The following DNER variants were observed in gnomAD, a reference collection of about 807,000 sequenced individuals.
The protein encoded by DNER is delta and Notch-like epidermal growth factor-related receptor.
A neutral mutation model predicts 78.2 loss-of-function variants in DNER; 33 were observed. The ratio of observed to expected loss-of-function variants is 0.42; its 90% CI spans 0.32 to 0.56. DNER has a LOEUF of 0.56. Among genes scored for constraint, DNER ranks in the 20% least tolerant of loss-of-function variants. The pLI is 0.11. For synonymous variants in DNER, 417 were observed against 384.8 expected, an observed-to-expected ratio of 1.08 and a Z score of -0.98; for missense variants, 918 against 975.3, an observed-to-expected ratio of 0.94 and a Z score of 0.78.
At chr2:229,563,032 C>A (rs1696992041) in intron 4 of DNER, among the ~76,000 whole-genome samples, 1 of 151,276 alleles carries the variant, frequency 6.6e-6, no homozygotes. Flanking sequence ...TCATCATCCT[C>A]CTCACCCCAT....
At chr2:229,627,052 G>A (rs1442754997) in intron 1 of DNER, among the ~76,000 whole-genome samples, 1 of 152,178 alleles carries the variant, frequency 6.6e-6, no homozygotes, top group Admixed American at 6.5e-5. Context: ...TCACTGAAGT[G>A]CATGGTCCCA....
chr2:229,614,752 C>T (rs1227142639), intron 1 of DNER, among the ~76,000 whole-genome samples: 1 of 152,212 alleles, frequency 6.6e-6, no homozygotes, highest in Non-Finnish European at 1.5e-5. Context: ...GCATCTTCCT[C>T]ATATAAAATC....
chr2:229,496,670 A>G (rs1413072330), intron 6 of DNER, among the ~76,000 whole-genome samples: 1 of 152,238 alleles, frequency 6.6e-6, no homozygotes, highest in African/African-American at 2.4e-5. Flanking sequence ...AAATAAAATA[A>G]AATAGAATTT....
At chr2:229,537,657 T>C (rs992506210) in intron 5 of DNER, among the ~76,000 whole-genome samples, 9 of 152,340 alleles carry the variant, frequency 5.9e-5, no homozygotes, top group African/African-American at 2.2e-4. Context: ...AATGCTTCTA[T>C]AACTGTCCGC....
At chr2:229,508,050 G>A (rs1331703453) in intron 6 of DNER, among the ~76,000 whole-genome samples, 1 of 152,062 alleles carries the variant, frequency 6.6e-6, no homozygotes, top group Non-Finnish European at 1.5e-5. Context: ...CACAGATAAT[G>A]GCACATAAAC....
intron 6 of DNER, among the ~76,000 whole-genome samples, chr2:229,486,632 T>C (rs1194790360): frequency 6.6e-6 from 1 of 152,224 alleles, no homozygotes; most frequent in Non-Finnish European, 1.5e-5. Context: ...ACCATTTCTA[T>C]GGAGTGTACC....
intron 12 of DNER, among the ~76,000 whole-genome samples, chr2:229,359,501 T>C (rs1041848799): frequency 9.9e-5 from 15 of 152,182 alleles, no homozygotes; most frequent in African/African-American, 3.6e-4. Flanking sequence ...TCAAACGATC[T>C]TCCACACTAA....
intron 12 of DNER, among the ~76,000 whole-genome samples, chr2:229,365,445 T>G (rs890804600): frequency 2.0e-5 from 3 of 152,184 alleles, no homozygotes; most frequent in African/African-American, 7.2e-5. Context: ...GGGATTTTTG[T>G]TTTTGTTTTG....
At chr2:229,396,069 T>C (rs1388294961) in intron 10 of DNER, among the ~76,000 whole-genome samples, 2 of 152,126 alleles carry the variant, frequency 1.3e-5, no homozygotes, top group African/African-American at 2.4e-5. Context: ...TGTCTTTGGA[T>C]TGACAGTCTA....
intron 5 of DNER, among the ~76,000 whole-genome samples, chr2:229,518,474 T>C (rs1430939814): frequency 1.3e-5 from 2 of 152,242 alleles, no homozygotes; most frequent in African/African-American, 4.8e-5. Context: ...TAAAGAAGTG[T>C]AAATTGATAC....
intron 6 of DNER, among the ~76,000 whole-genome samples, chr2:229,512,213 T>A (rs1210604619): frequency 6.6e-6 from 1 of 151,840 alleles, no homozygotes; most frequent in Non-Finnish European, 1.5e-5. Flanking sequence ...TGAAACCCCA[T>A]CTCTACTAAA....
chr2:229,391,470 C>T (rs1015638367), intron 10 of DNER, among the ~76,000 whole-genome samples: 1 of 152,130 alleles, frequency 6.6e-6, no homozygotes, highest in Non-Finnish European at 1.5e-5. Flanking sequence ...TGAGAAAATA[C>T]AAAATGAAAT....
At chr2:229,444,422 G>A (rs560229658) in intron 8 of DNER, among the ~76,000 whole-genome samples, 16 of 152,208 alleles carry the variant, frequency 1.1e-4, no homozygotes, top group African/African-American at 3.4e-4. Flanking sequence ...TGTTAGAGAG[G>A]TCCTTTCTAC....
chr2:229,639,407 A>G (rs546199751), intron 1 of DNER, among the ~76,000 whole-genome samples: 8 of 152,044 alleles, frequency 5.3e-5, no homozygotes, highest in Non-Finnish European at 1.2e-4. Context: ...GGTGTCCATC[A>G]CCACGCCTGG....
At chr2:229,616,274 C>T (rs1698161376) in intron 1 of DNER, among the ~76,000 whole-genome samples, 1 of 152,220 alleles carries the variant, frequency 6.6e-6, no homozygotes, top group Non-Finnish European at 1.5e-5. Flanking sequence ...ATCCTCTCCT[C>T]ATTCAACCCA....
intron 1 of DNER, among the ~76,000 whole-genome samples, chr2:229,650,643 C>A (rs1409337796): frequency 2.6e-5 from 4 of 152,170 alleles, no homozygotes; most frequent in African/African-American, 9.7e-5. Context: ...GGCCCCTACA[C>A]ACGGTTTTCT....
chr2:229,554,869 AGAGAAGAGAAGAG>A (rs1343855212), intron 4 of DNER, among the ~76,000 whole-genome samples: 2 of 51,020 alleles, frequency 3.9e-5, no homozygotes, highest in Non-Finnish European at 7.7e-5. Context: ...AGAGAAGAGA[AGAGAAGAGAAGAG>A]AAGAGAAGAG....
chr2:229,496,645 G>A (rs1167072757), intron 6 of DNER, among the ~76,000 whole-genome samples: 2 of 152,080 alleles, frequency 1.3e-5, no homozygotes, highest in Non-Finnish European at 2.9e-5. Context: ...AAAGAGAGCA[G>A]GGATAGCTCC....
chr2:229,643,756 T>C (rs938220457), intron 1 of DNER, among the ~76,000 whole-genome samples: 1 of 152,226 alleles, frequency 6.6e-6, no homozygotes, highest in Non-Finnish European at 1.5e-5. Context: ...TCACAATGCA[T>C]GGAGCATCAT....
Sources: allele counts gnomAD v4.1 joint callset (sites outside exome capture counted in the v4.1 genomes callset), GRCh38; gene constraint gnomAD v4.1.1; transcripts MANE v1.5; gene names NCBI Gene and HGNC (gene_info 2026-07-23, HGNC 2026-07-21).